The following PPP4R1 variants were observed in gnomAD, a reference collection of about 807,000 sequenced individuals.
PPP4R1 encodes protein phosphatase 4 regulatory subunit 1.
Under a neutral mutation model 111.2 loss-of-function variants are expected in PPP4R1, and 42 were observed. That is an observed-to-expected ratio of 0.38 (90% confidence interval 0.29 to 0.49). The LOEUF (loss-of-function observed/expected upper bound fraction) is 0.49, where lower values mean the gene tolerates loss of function less well. Ranked by LOEUF, PPP4R1 falls within the 20% of genes least tolerant of loss-of-function variation. The probability of loss-of-function intolerance (pLI) is 0.97; values close to 1 mark genes in which losing one functional copy is unlikely to be tolerated. For synonymous variants in PPP4R1, 409 were observed against 405.5 expected, an observed-to-expected ratio of 1.01 and a Z score of -0.10; for missense variants, 1,012 against 1,161.6, an observed-to-expected ratio of 0.87 and a Z score of 1.87.
intron 2 of PPP4R1, among the ~76,000 whole-genome samples, chr18:9,603,920 G>C (rs1185844743): frequency 6.6e-6 from 1 of 152,158 alleles, no homozygotes; most frequent in Non-Finnish European, 1.5e-5. Context: ...AGAAAAAAAT[G>C]CAAGAGTCTC....
In PPP4R1 at chr18:9,589,486, G is replaced by A. The variant is rs569035873; in HGVS notation, c.296-633C>T. On this transcript the variant is annotated intron_variant, in intron 4 of 19. Transcript: ENST00000400556. ...AGTAGGAAAATCAGCTAGTTAGCAC[G>A]GAACAAAAGTTCCTACTGCACATCA... 1.4e-4 allele frequency among the ~76,000 whole-genome samples: 22 copies of A among 152,140 alleles called. No homozygotes were observed. The South Asian group carries it at 4.0e-3, about 27-fold the overall frequency.
At chr18:9,609,873 G>T (rs2145359278) in intron 2 of PPP4R1, among the ~76,000 whole-genome samples, 1 of 152,264 alleles carries the variant, frequency 6.6e-6, no homozygotes, top group Non-Finnish European at 1.5e-5. Context: ...AGAAGGCCTA[G>T]CTTAAAATTC....
chr18:9,562,360 T>C (rs1046242498), intron 12 of PPP4R1, among the ~76,000 whole-genome samples: 4 of 152,208 alleles, frequency 2.6e-5, no homozygotes, highest in Admixed American at 6.5e-5. Flanking sequence ...AATTAGCTTA[T>C]TTATGAAATA....
chr18:9,575,041 A>C (rs1209972873), intron 10 of PPP4R1, among the ~76,000 whole-genome samples: 1 of 152,238 alleles, frequency 6.6e-6, no homozygotes, highest in Admixed American at 6.5e-5. Context: ...GAAAGATCTG[A>C]TGTGTAAGTC....
At chr18:9,598,656 A>G (rs1376996351) in intron 2 of PPP4R1, among the ~76,000 whole-genome samples, 1 of 152,204 alleles carries the variant, frequency 6.6e-6, no homozygotes, top group African/African-American at 2.4e-5. Context: ...ATAATAAAGC[A>G]AACCATTCCA....
upstream of PPP4R1, chr18:9,614,699 C>G (rs1299894788): frequency 6.9e-6 from 1 of 144,772 alleles, no homozygotes; most frequent in Non-Finnish European, 1.5e-5. The surrounding 1 kb of genome is among the most constrained non-coding windows in gnomAD (Gnocchi z 4.1). Flanking sequence ...CCCGCCCCGC[C>G]CCGCCTGCCC....
intron 16 of PPP4R1, among the ~76,000 whole-genome samples, chr18:9,552,743 C>A (rs1167044889): frequency 6.6e-6 from 1 of 152,168 alleles, no homozygotes; most frequent in Non-Finnish European, 1.5e-5. Context: ...AGACCACACC[C>A]CCAACCCAAA....
intron 2 of PPP4R1, among the ~76,000 whole-genome samples, chr18:9,610,734 C>T (rs988153757): frequency 1.3e-5 from 2 of 152,174 alleles, no homozygotes; most frequent in East Asian, 1.9e-4. Flanking sequence ...GCTGGGATTA[C>T]AGGCATGAGC....
At chr18:9,615,792 C>CAA (rs2067681608), upstream of PPP4R1, among the ~76,000 whole-genome samples, 1 of 152,110 alleles carries the variant, frequency 6.6e-6, no homozygotes, top group Non-Finnish European at 1.5e-5. Context: ...GTAGTCTTGA[C>CAA]CAAGGACAAT....
Position 9,550,180 on chromosome 18 carries a change from C to T in PPP4R1, c.2419G>A (p.Glu807Lys), listed in dbSNP as rs987030625. 1.1e-5 allele frequency: 18 copies of T among 1,614,074 alleles called. No individual in the cohort carries two copies. Among genetic ancestry groups the T allele is most frequent in the South Asian group, 6.6e-5 (6 of 91,086 alleles). ...GCCGCGTGCAGCTTCTTCACCATCTCGCTGACCTGGGAGGGTGAGCATGGA... is the reference window on the plus strand; with the variant it reads ...GCCGCGTGCAGCTTCTTCACCATCTTGCTGACCTGGGAGGGTGAGCATGGA... ...VRWISYKLVSEMVKKLHAATP... is the reference protein window; with the variant it reads ...VRWISYKLVSKMVKKLHAATP... The change falls in exon 18 of 20, where the codon GAG (glutamate) becomes AAG (lysine). Residue 807 changes from glutamate (E) to lysine (K), a missense_variant. Physicochemically the swap from Glu to Lys is moderately conservative, Grantham distance 56. This residue lies in a region of PPP4R1 where 305 missense variants were observed against 419.5 expected (regional missense o/e 0.73). Transcript: ENST00000400556.
chr18:9,577,967 A>G (rs1333613702), intron 9 of PPP4R1, among the ~76,000 whole-genome samples: 1 of 152,362 alleles, frequency 6.6e-6, no homozygotes, highest in Non-Finnish European at 1.5e-5. Flanking sequence ...TACCAGAAAC[A>G]TAATGTTAAC....
intron 10 of PPP4R1, among the ~76,000 whole-genome samples, chr18:9,574,378 T>C (rs1021204284): frequency 3.3e-5 from 5 of 152,200 alleles, no homozygotes; most frequent in African/African-American, 4.8e-5. Context: ...TAAAGAGGTA[T>C]TGTATCCTGA....
intron 4 of PPP4R1, among the ~76,000 whole-genome samples, chr18:9,591,935 C>T (rs913288554): frequency 1.3e-5 from 2 of 152,076 alleles, no homozygotes; most frequent in Non-Finnish European, 2.9e-5. Flanking sequence ...GGTGTAGTGG[C>T]ACATGCCTGT....
intron 3 of PPP4R1, 83 bp from the exon 4 acceptor site, chr18:9,593,957 C>A: frequency 9.4e-7 from 1 of 1,064,308 alleles, no homozygotes; most frequent in East Asian, 2.5e-5. Flanking sequence ...GACAGGGCCT[C>A]ATTCCTGTTG....
chr18:9,594,976 C>T (rs757465075), intron 3 of PPP4R1, 42 bp downstream of exon 3: 1 of 1,594,230 alleles, frequency 6.3e-7, no homozygotes, highest in Non-Finnish European at 8.6e-7. Context: ...TTAATAAAAC[C>T]ACCCTTCCAC....
In PPP4R1 at chr18:9,570,487, G is replaced by T. The variant is rs2066843788; in HGVS notation, c.1243C>A (p.His415Asn). 1.2e-6 allele frequency: 2 copies of T among 1,614,054 alleles called. No homozygotes were observed. Among genetic ancestry groups the T allele is most frequent in the Admixed American group, 1.7e-5 (1 of 60,004 alleles). Residue 415 changes from histidine (H) to asparagine (N), a missense_variant, in exon 11 of 20, where the codon CAC (histidine) becomes AAC (asparagine). His to Asn is a moderately conservative substitution (Grantham distance 68). Transcript: ENST00000400556. ...SLLCTLSSES[H>N]QEAASNENDK... ...TTCTCATTACTAGCTGCTTCCTGGTGAGATTCTGAGGACAAAGTACAAAGT... is the reference window on the plus strand; with the variant it reads ...TTCTCATTACTAGCTGCTTCCTGGTTAGATTCTGAGGACAAAGTACAAAGT...
rs2066451410 is a variant in PPP4R1 at position 9,549,331 on chromosome 18, A to T, written c.2555T>A (p.Ile852Asn). 6.2e-7 allele frequency: 1 copy of T among 1,603,988 alleles called. No homozygotes were observed. Among genetic ancestry groups the T allele is most frequent in the Non-Finnish European group, 8.5e-7 (1 of 1,171,338 alleles). ...QAFVFVCQTV[I>N]EDDCLPMDQF... is the part of the protein sequence containing the mutation. ...GTCCATGGGAAGGCAGTCATCCTCA[A>T]TGACAGTCTGGGGAAGAGAAACAGC... Residue 852 changes from isoleucine (I) to asparagine (N), a missense_variant, in exon 19 of 20, where the codon ATT becomes AAT. Coordinates refer to ENST00000400556, the MANE Select transcript of PPP4R1 (RefSeq NM_001042388.3).
intron 10 of PPP4R1, 115 bp from the exon 11 acceptor site, chr18:9,570,798 G>T: frequency 8.8e-7 from 1 of 1,132,520 alleles, no homozygotes; most frequent in East Asian, 2.7e-5. Context: ...AAAAATTACG[G>T]ATTATCTGTA....
intron 16 of PPP4R1, among the ~76,000 whole-genome samples, chr18:9,552,976 T>C (rs958830134): frequency 6.6e-6 from 1 of 152,240 alleles, no homozygotes; most frequent in Non-Finnish European, 1.5e-5. Flanking sequence ...AGATGCTTAT[T>C]GGGCATGGGT....
Sources: gnomAD v4.1 joint callset for allele counts (sites outside exome capture counted in the v4.1 genomes callset) on GRCh38, gnomAD v4.1.1 for gene constraint, gnomAD v4.1.1 regional missense constraint, Gnocchi (gnomAD v3.1) non-coding constraint, MANE v1.5 for transcripts, NCBI Gene and HGNC (gene_info 2026-07-23, HGNC 2026-07-21) for gene names.